Variants in PDZD8 observed in about 807,000 individuals in gnomAD.
PDZD8 encodes PDZ domain containing 8.
A neutral mutation model predicts 85.8 loss-of-function variants in PDZD8; 14 were observed. That is an observed-to-expected ratio of 0.16 (90% CI 0.11 to 0.26). PDZD8 has a LOEUF of 0.26. Among genes scored for constraint, PDZD8 ranks in the 10% least tolerant of loss-of-function variants. PDZD8 has a pLI of 1.00. For synonymous variants in PDZD8, 592 were observed against 568.6 expected, an observed-to-expected ratio of 1.04 and a Z score of -0.59; for missense variants, 1,197 against 1,424.3, an observed-to-expected ratio of 0.84 and a Z score of 2.57.
chr10:117,304,237 T>C (rs1371227313), intron 3 of PDZD8, among the ~76,000 whole-genome samples: 3 of 152,174 alleles, frequency 2.0e-5, no homozygotes, highest in Non-Finnish European at 4.4e-5. Context: ...AGGAGATCAT[T>C]TTGGAGCTTT....
chr10:117,339,003 C>A (rs1243678319), intron 2 of PDZD8, among the ~76,000 whole-genome samples: 1 of 151,886 alleles, frequency 6.6e-6, no homozygotes, highest in African/African-American at 2.4e-5. Flanking sequence ...TTACTGTACA[C>A]TGCAGTTCCT....
intron 1 of PDZD8, among the ~76,000 whole-genome samples, chr10:117,363,754 C>G (rs1845037160): frequency 6.6e-6 from 1 of 152,116 alleles, no homozygotes; most frequent in African/African-American, 2.4e-5. Flanking sequence ...CAAAGTTATG[C>G]AAATCAAAGC....
intron 4 of PDZD8, among the ~76,000 whole-genome samples, chr10:117,289,835 T>C (rs187365418): frequency 6.6e-6 from 1 of 152,272 alleles, no homozygotes. Context: ...GCAATGGTGG[T>C]AGTCGTACAG....
At chr10:117,309,538 A>T (rs1242409353) in intron 3 of PDZD8, among the ~76,000 whole-genome samples, 1 of 151,958 alleles carries the variant, frequency 6.6e-6, no homozygotes, top group Non-Finnish European at 1.5e-5. Context: ...CTCATAGCTC[A>T]TCTTTCTGGC....
At position 117,281,413 on chromosome 10, in the gene PDZD8, A is replaced by G. The variant is rs562050840; in HGVS notation, c.*1855T>C. The G allele has an allele frequency of 5.3e-4, 80 of 150,346 alleles. No homozygotes were observed. The highest frequency in any genetic ancestry group is 1.8e-3 in the African/African-American group (75 of 41,100). The allele number at this position is 150,346 out of a possible 1,614,324, so 9.3% of individuals were successfully genotyped here. ...AAAAGACATCACGCTTAAATAAGTA[A>G]TGAAGTATACTGAGATGTTTTTGTT... On this transcript the variant is annotated 3_prime_UTR_variant, in exon 5 of 5. Transcript: ENST00000334464.
intron 3 of PDZD8, among the ~76,000 whole-genome samples, chr10:117,306,316 G>A (rs762443541): frequency 6.6e-6 from 1 of 152,070 alleles, no homozygotes; most frequent in Non-Finnish European, 1.5e-5. Flanking sequence ...AGGTTCAAAA[G>A]GCTGTTAGGA....
chr10:117,367,139 T>G (rs12247698), intron 1 of PDZD8, among the ~76,000 whole-genome samples: 1 of 151,954 alleles, frequency 6.6e-6, no homozygotes, highest in South Asian at 2.1e-4. Flanking sequence ...CCCGGCAGGG[T>G]GTGAATCACA....
chr10:117,347,175 C>G (rs112664854), intron 1 of PDZD8, among the ~76,000 whole-genome samples: 1 of 151,968 alleles, frequency 6.6e-6, no homozygotes, highest in East Asian at 1.9e-4. Flanking sequence ...AGATGCGGGA[C>G]AGGCCTCATT....
chr10:117,352,738 G>A (rs533614154), intron 1 of PDZD8, among the ~76,000 whole-genome samples: 37 of 152,272 alleles, frequency 2.4e-4, no homozygotes, highest in African/African-American at 8.7e-4. Context: ...CCTGCCCACA[G>A]CATAAAGACA....
At chr10:117,333,748 A>G (rs765715158) in intron 2 of PDZD8, among the ~76,000 whole-genome samples, 3 of 152,234 alleles carry the variant, frequency 2.0e-5, no homozygotes, top group Non-Finnish European at 2.9e-5. Context: ...ACATAATGCT[A>G]TTTAAAGGAT....
intron 3 of PDZD8, among the ~76,000 whole-genome samples, chr10:117,296,676 T>C (rs752652579): frequency 7.9e-5 from 12 of 152,106 alleles, no homozygotes; most frequent in Non-Finnish European, 1.5e-5. Context: ...TCAATTTATG[T>C]TGGACACAGG....
chr10:117,331,412 T>C (rs144824525), intron 2 of PDZD8, among the ~76,000 whole-genome samples: 51 of 152,308 alleles, frequency 3.3e-4, no homozygotes, highest in African/African-American at 1.2e-3. Context: ...ATGCCAGACA[T>C]TGCACAGCTA....
In PDZD8 at chr10:117,355,334, T is replaced by A. The variant is rs925648462; in HGVS notation, c.873-14232A>T. On this transcript the variant is annotated intron_variant, in intron 1 of 4. Coordinates refer to ENST00000334464, the MANE Select transcript of PDZD8 (RefSeq NM_173791.5). ...TCTACCATCTGGTAATTGTTTCCTC[T>A]CCTGTGTTCTAAAAACACTTTATAT... Among the ~76,000 whole-genome samples, 5 of 152,158 alleles carry A rather than the reference T, an allele frequency of 3.3e-5. No individual in the cohort carries two copies. In the South Asian group the frequency reaches 1.0e-3, roughly 31 times the overall value.
rs1436967007 is a variant in PDZD8 at position 117,277,981 on chromosome 10, A to G, written c.*5287T>C. The stretch of plus-strand genomic sequence containing the variant: ...GAAAAACAGTAAATGTTCCGAAAGC[A>G]GAGAAAAGCAACCAAACATATTGTT... On this transcript the variant is annotated 3_prime_UTR_variant, in exon 5 of 5. Transcript: ENST00000334464. 1.3e-5 allele frequency: 2 copies of G among 152,256 alleles called. No individual in the cohort carries two copies. The highest frequency in any genetic ancestry group is 4.1e-4 in the South Asian group (2 of 4,836). The allele number at this position is 152,256 out of a possible 1,614,324, so 9.4% of individuals were successfully genotyped here.
At chr10:117,344,117 G>C (rs981007798) in intron 1 of PDZD8, among the ~76,000 whole-genome samples, 1 of 152,136 alleles carries the variant, frequency 6.6e-6, no homozygotes, top group East Asian at 1.9e-4. Context: ...TCCTCCTGTA[G>C]AAAACTTAAA....
chr10:117,285,500 T>C (rs748930650), intron 4 of PDZD8, 29 bp from the exon 5 acceptor site: 4 of 1,519,750 alleles, frequency 2.6e-6, no homozygotes, highest in Non-Finnish European at 3.5e-6. Flanking sequence ...AGGGAAAACA[T>C]GTAAATTATT....
chr10:117,368,881 A>T (rs575441918), intron 1 of PDZD8, among the ~76,000 whole-genome samples: 18 of 120,382 alleles, frequency 1.5e-4, no homozygotes, highest in African/African-American at 4.6e-4. Context: ...TTTTTGAGAC[A>T]GTCTCACTCT....
rs930315379 is a variant in PDZD8 at position 117,375,271 on chromosome 10, C to T, written c.-44G>A. The T allele has an allele frequency of 7.1e-7, 1 of 1,415,158 alleles. No homozygotes were observed. The highest frequency in any genetic ancestry group is 1.5e-5 in the African/African-American group (1 of 67,416). 87.7% of individuals were successfully genotyped at this position (1,415,158 alleles called of 1,614,324 possible). Reference sequence around the variant, plus strand: ...CGGGCCCCTACTCCCGCGCCCACAGCGCCGCTTTCTTCACGCCGCCGCCCC... The same window carrying T: ...CGGGCCCCTACTCCCGCGCCCACAGTGCCGCTTTCTTCACGCCGCCGCCCC... On this transcript the variant is annotated 5_prime_UTR_variant, in exon 1 of 5. Transcript: ENST00000334464.
intron 3 of PDZD8, among the ~76,000 whole-genome samples, chr10:117,306,356 A>G (rs981272624): frequency 2.6e-5 from 4 of 152,234 alleles, no homozygotes; most frequent in Admixed American, 6.5e-5. Context: ...ATTACCTTGC[A>G]ATATACTTAA....
Sources: gnomAD v4.1 joint callset for allele counts (sites outside exome capture counted in the v4.1 genomes callset) on GRCh38, gnomAD v4.1.1 for gene constraint, MANE v1.5 for transcripts, NCBI Gene and HGNC (gene_info 2026-07-23, HGNC 2026-07-21) for gene names.